CHRM3: variants seen among roughly 807,000 people sequenced by gnomAD.
CHRM3 encodes cholinergic receptor muscarinic 3.
Under a neutral mutation model 41.8 loss-of-function variants are expected in CHRM3, and 11 were observed. That is an observed-to-expected ratio of 0.26 (90% confidence interval 0.17 to 0.44). CHRM3 has a LOEUF of 0.44. Ranked by LOEUF, CHRM3 falls within the 20% of genes least tolerant of loss-of-function variation. The pLI is 1.00. For missense variants in CHRM3, 571 were observed against 745.4 expected (o/e 0.77, Z 2.72); for synonymous variants, 297 against 301.4 (o/e 0.99, Z 0.15).
At chr1:239,740,466 T>A (rs117095206) in intron 5 of CHRM3, among the ~76,000 whole-genome samples, 1 of 152,030 alleles carries the variant, frequency 6.6e-6, no homozygotes, top group Non-Finnish European at 1.5e-5. Context: ...GTGGTTTTTT[T>A]TTTTCTTTAA....
chr1:239,615,842 G>A (rs1192463077), intron 3 of CHRM3, among the ~76,000 whole-genome samples: 2 of 152,110 alleles, frequency 1.3e-5, no homozygotes, highest in Non-Finnish European at 2.9e-5. Flanking sequence ...CCTAAAACTT[G>A]GTTCAGCCAG....
chr1:239,730,320 T>C (rs1364555586), intron 5 of CHRM3: 1 of 151,968 alleles, frequency 6.6e-6, no homozygotes, highest in Non-Finnish European at 1.5e-5. Flanking sequence ...GAGTTTTAGA[T>C]ATGGGGAATG....
chr1:239,568,773 C>T (rs186294202), intron 3 of CHRM3, among the ~76,000 whole-genome samples: 38 of 152,268 alleles, frequency 2.5e-4, no homozygotes, highest in South Asian at 2.5e-3. Context: ...TTTCCTAGAT[C>T]CTGTACTGCC....
At chr1:239,581,216 C>T (rs945526545) in intron 3 of CHRM3, among the ~76,000 whole-genome samples, 80 of 151,994 alleles carry the variant, frequency 5.3e-4, no homozygotes, top group African/African-American at 1.8e-3. Context: ...AGCCATATGT[C>T]GAGGACTTAT....
At chr1:239,521,392 A>G (rs1669629008) in intron 2 of CHRM3, among the ~76,000 whole-genome samples, 1 of 152,194 alleles carries the variant, frequency 6.6e-6, no homozygotes, top group Admixed American at 6.5e-5. Context: ...AGAGGACAAT[A>G]GACCTTCTTC....
chr1:239,668,273 G>A (rs960127283), intron 4 of CHRM3, among the ~76,000 whole-genome samples: 14 of 151,226 alleles, frequency 9.3e-5, no homozygotes, highest in South Asian at 2.1e-4. Flanking sequence ...ATTTTTAGTA[G>A]AGATGGGTTT....
chr1:239,595,706 T>C (rs865961117), intron 3 of CHRM3, among the ~76,000 whole-genome samples: 1 of 152,214 alleles, frequency 6.6e-6, no homozygotes, highest in African/African-American at 2.4e-5. Context: ...GACAAACAAG[T>C]CTGACTTATT....
At position 239,894,923 on chromosome 1, in the gene CHRM3, C is replaced by T. The variant is rs150798280; in HGVS notation, c.-19-12510C>T. Among the ~76,000 whole-genome samples, 761 of 152,286 alleles carry T rather than the reference C, an allele frequency of 5.0e-3. 7 individuals carry two copies. The highest frequency in any genetic ancestry group is 0.017 in the African/African-American group (714 of 41,556). Reference sequence around the variant, plus strand: ...TAAGTGAGGAGCCAGGACACAAATTCAGGCTGTCTAGCACCTTGCAAGACC... The same window carrying T: ...TAAGTGAGGAGCCAGGACACAAATTTAGGCTGTCTAGCACCTTGCAAGACC... On this transcript the variant is annotated intron_variant, in intron 6 of 6. Transcript: ENST00000676153.
intron 3 of CHRM3, among the ~76,000 whole-genome samples, chr1:239,602,081 C>A (rs1665617781): frequency 2.3e-5 from 1 of 42,804 alleles, no homozygotes; most frequent in South Asian, 9.4e-4. Context: ...TGTACACATA[C>A]ATATATACAT....
chr1:239,503,920 A>G (rs1668402157), intron 2 of CHRM3, among the ~76,000 whole-genome samples: 1 of 152,186 alleles, frequency 6.6e-6, no homozygotes, highest in South Asian at 2.1e-4. Context: ...TCAACTCAAA[A>G]TGGATTAAGT....
At chr1:239,411,492 C>G (rs927388088) in intron 1 of CHRM3, among the ~76,000 whole-genome samples, 1 of 151,712 alleles carries the variant, frequency 6.6e-6, no homozygotes, top group South Asian at 2.1e-4. Flanking sequence ...TTTGGGAGGC[C>G]GAGGTGGGTG....
chr1:239,485,438 C>T (rs527928567), intron 1 of CHRM3, among the ~76,000 whole-genome samples: 50 of 152,096 alleles, frequency 3.3e-4, no homozygotes. Context: ...GCACATGCCA[C>T]CACCTGGCTA....
intron 5 of CHRM3, among the ~76,000 whole-genome samples, chr1:239,731,149 G>A (rs1476978637): frequency 6.6e-6 from 1 of 151,954 alleles, no homozygotes; most frequent in Non-Finnish European, 1.5e-5. Flanking sequence ...ACATTTTGGA[G>A]CTTTAAAGGC....
intron 5 of CHRM3, among the ~76,000 whole-genome samples, chr1:239,720,409 CA>C (rs962074432): frequency 6.6e-6 from 1 of 151,578 alleles, no homozygotes; most frequent in Non-Finnish European, 1.5e-5. Context: ...TCTGAAACCC[CA>C]AAAAAACCTA....
chr1:239,487,925 C>T (rs1286340993), intron 1 of CHRM3, among the ~76,000 whole-genome samples: 1 of 148,618 alleles, frequency 6.7e-6, no homozygotes, highest in Non-Finnish European at 1.5e-5. Context: ...TAAATACAAA[C>T]TACCCAATAG....
chr1:239,415,149 G>A (rs1219198926), intron 1 of CHRM3, among the ~76,000 whole-genome samples: 1 of 152,132 alleles, frequency 6.6e-6, no homozygotes. Context: ...TTTTATACAT[G>A]ATACTTAAAA....
chr1:239,596,380 A>C (rs185815462), intron 3 of CHRM3, among the ~76,000 whole-genome samples: 1 of 152,280 alleles, frequency 6.6e-6, no homozygotes, highest in African/African-American at 2.4e-5. Context: ...GAGAGCTGCA[A>C]GTACAAAAGG....
intron 1 of CHRM3, among the ~76,000 whole-genome samples, chr1:239,434,588 T>G (rs1218925479): frequency 6.6e-6 from 1 of 152,228 alleles, no homozygotes; most frequent in Non-Finnish European, 1.5e-5. Context: ...GTGTCTTATT[T>G]ACCACTCTCC....
intron 1 of CHRM3, among the ~76,000 whole-genome samples, chr1:239,422,143 G>A (rs1322097686): frequency 6.6e-6 from 1 of 152,146 alleles, no homozygotes; most frequent in Non-Finnish European, 1.5e-5. Context: ...TTTACCGAAT[G>A]CTTTTACTTC....
Sources: allele counts gnomAD v4.1 joint callset (sites outside exome capture counted in the v4.1 genomes callset), GRCh38; gene constraint gnomAD v4.1.1; transcripts MANE v1.5; gene names NCBI Gene and HGNC (gene_info 2026-07-23, HGNC 2026-07-21).